Variants in PDCD6IP observed in about 807,000 individuals in gnomAD.
PDCD6IP encodes programmed cell death 6 interacting protein, also known as programmed cell death 6-interacting protein.
Under a neutral mutation model 103.7 loss-of-function variants are expected in PDCD6IP, and 43 were observed. The ratio of observed to expected loss-of-function variants is 0.41; its 90% CI spans 0.32 to 0.53. The LOEUF is 0.53. PDCD6IP is among the 20% of genes least tolerant of loss of function. The pLI, the probability that PDCD6IP is intolerant of heterozygous loss-of-function variation, is 0.16. For missense variants in PDCD6IP, 871 were observed against 1,036.7 expected (o/e 0.84, Z 2.20); for synonymous variants, 354 against 378.7 (o/e 0.93, Z 0.76).
intron 3 of PDCD6IP, among the ~76,000 whole-genome samples, chr3:33,818,675 C>T (rs780387490): frequency 2.0e-5 from 3 of 151,808 alleles, no homozygotes; most frequent in Admixed American, 6.6e-5. Context: ...TGCGCCACCA[C>T]GTCCAGCTAA....
At chr3:33,849,629 A>G (rs1005384200) in intron 12 of PDCD6IP, among the ~76,000 whole-genome samples, 1 of 152,256 alleles carries the variant, frequency 6.6e-6, no homozygotes. Context: ...AGAAATAAAT[A>G]TGCTAGGATT....
At chr3:33,805,295 C>T (rs1023497304) in intron 1 of PDCD6IP, among the ~76,000 whole-genome samples, 12 of 148,236 alleles carry the variant, frequency 8.1e-5, no homozygotes, top group African/African-American at 3.0e-4. Flanking sequence ...GTGGAGGTTG[C>T]AGTGAGCCGA....
chr3:33,837,066 G>A (rs1249447923), intron 8 of PDCD6IP, among the ~76,000 whole-genome samples: 1 of 150,982 alleles, frequency 6.6e-6, no homozygotes, highest in African/African-American at 2.4e-5. Context: ...GACTACAGGC[G>A]CCTGCCACCT....
chr3:33,816,191 A>T (rs1353434830), intron 3 of PDCD6IP, among the ~76,000 whole-genome samples: 1 of 152,172 alleles, frequency 6.6e-6, no homozygotes, highest in African/African-American at 2.4e-5. Context: ...GGAGTAGGGC[A>T]CTGGAATTAG....
chr3:33,853,007 T>A (rs1291882282), intron 13 of PDCD6IP, among the ~76,000 whole-genome samples: 1 of 149,762 alleles, frequency 6.7e-6, no homozygotes, highest in South Asian at 2.1e-4. Flanking sequence ...CACTGCAAGC[T>A]CCGCCTCCCG....
At chr3:33,854,397 C>T (rs1317410432) in intron 14 of PDCD6IP, among the ~76,000 whole-genome samples, 2 of 152,092 alleles carry the variant, frequency 1.3e-5, no homozygotes, top group Non-Finnish European at 2.9e-5. Flanking sequence ...TTTATGTTCT[C>T]TGCGGTGGTT....
intron 1 of PDCD6IP, among the ~76,000 whole-genome samples, chr3:33,808,380 C>G (rs1266136376): frequency 6.6e-6 from 1 of 152,110 alleles, no homozygotes; most frequent in African/African-American, 2.4e-5. Flanking sequence ...CTCAAGTGAT[C>G]CTCCCACCTT....
At chr3:33,830,548 GCAGCTTTAGTTTTA>G (rs1200958257) in intron 7 of PDCD6IP, among the ~76,000 whole-genome samples, 1 of 152,130 alleles carries the variant, frequency 6.6e-6, no homozygotes, top group Non-Finnish European at 1.5e-5. Flanking sequence ...CATAGATTTT[GCAGCTTTAGTTTTA>G]CAGCTTTAGT....
At chr3:33,853,422 AT>A (rs1697762689) in intron 13 of PDCD6IP, among the ~76,000 whole-genome samples, 1 of 152,232 alleles carries the variant, frequency 6.6e-6, no homozygotes, top group African/African-American at 2.4e-5. Context: ...TTTTAAAAAA[AT>A]AATGCAAAGT....
intron 1 of PDCD6IP, among the ~76,000 whole-genome samples, chr3:33,809,925 T>C (rs1197138346): frequency 6.6e-6 from 1 of 152,214 alleles, no homozygotes; most frequent in Non-Finnish European, 1.5e-5. Flanking sequence ...CTGTGTTCTT[T>C]CTAGTGCATA....
chr3:33,861,576 T>G lies in PDCD6IP; in HGVS notation c.2121-2430T>G, dbSNP rs142123313. 2.0e-3 allele frequency among the ~76,000 whole-genome samples: 298 copies of G among 152,330 alleles called. 2 individuals carry two copies. Among genetic ancestry groups the G allele is most frequent in the African/African-American group, 6.6e-3 (275 of 41,572 alleles). On this transcript the variant is annotated intron_variant, in intron 15 of 17. Transcript: ENST00000307296. The stretch of plus-strand genomic sequence containing the variant: ...GTGAGCATGTTATATGCAGTGCTGT[T>G]GGGTATATATCGAGGTCAAAGGATA...
intron 3 of PDCD6IP, among the ~76,000 whole-genome samples, chr3:33,820,339 A>G (rs780166270): frequency 6.6e-6 from 1 of 152,150 alleles, no homozygotes; most frequent in Non-Finnish European, 1.5e-5. Flanking sequence ...ACCCTTGGCA[A>G]CTAGCATTCT....
intron 17 of PDCD6IP, 54 bp from the exon 18 acceptor site, chr3:33,866,297 T>C: frequency 9.1e-7 from 1 of 1,103,140 alleles, no homozygotes; most frequent in Non-Finnish European, 1.3e-6. Context: ...GATTATTGTT[T>C]TATTTTTTAG....
chr3:33,844,040 A>G (rs1697534459), intron 10 of PDCD6IP, 72 bp from the exon 11 acceptor site: 2 of 912,270 alleles, frequency 2.2e-6, no homozygotes, highest in Non-Finnish European at 3.5e-6. Context: ...TTGTGTATGA[A>G]CATTTATTAA....
At chr3:33,819,366 A>G (rs1034538016) in intron 3 of PDCD6IP, among the ~76,000 whole-genome samples, 1 of 152,142 alleles carries the variant, frequency 6.6e-6, no homozygotes, top group African/African-American at 2.4e-5. Context: ...TAATTGTGAT[A>G]TTTGGAATAT....
chr3:33,853,884 ACAT>A lies in PDCD6IP; in HGVS notation c.1899_1901del (p.His633del). On this transcript the variant is annotated inframe_deletion, in exon 14 of 18. Transcript: ENST00000307296. ...TAAATCTTTCTTTTAACAAGGTCTC[ACAT>A]CAGGAATTTTCAAAAATGAAACAAT... 1 of 1,510,946 alleles carries A rather than the reference ACAT, an allele frequency of 6.6e-7. No individual in the cohort carries two copies. The allele number at this position is 1,510,946 out of a possible 1,614,324, so 93.6% of individuals were successfully genotyped here.
At chr3:33,859,761 A>T (rs1697911195) in intron 15 of PDCD6IP, among the ~76,000 whole-genome samples, 2 of 152,192 alleles carry the variant, frequency 1.3e-5, no homozygotes, top group African/African-American at 4.8e-5. Flanking sequence ...TGGGCATTTT[A>T]GCTGTAAAGA....
intron 11 of PDCD6IP, among the ~76,000 whole-genome samples, chr3:33,845,153 A>G (rs777994096): frequency 2.0e-5 from 3 of 152,116 alleles, no homozygotes; most frequent in Non-Finnish European, 4.4e-5. Flanking sequence ...GAAAAGATTA[A>G]TATTAATTAA....
At chr3:33,852,331 GTCTA>G (rs949412684) in intron 12 of PDCD6IP, among the ~76,000 whole-genome samples, 153 bp from the exon 13 acceptor site, 2 of 151,098 alleles carry the variant, frequency 1.3e-5, no homozygotes, top group African/African-American at 2.4e-5. Context: ...AAGGTACAGT[GTCTA>G]TCTATATAAA....
Sources: gnomAD v4.1 joint callset for allele counts (sites outside exome capture counted in the v4.1 genomes callset) on GRCh38, gnomAD v4.1.1 for gene constraint, MANE v1.5 for transcripts, NCBI Gene and HGNC (gene_info 2026-07-23, HGNC 2026-07-21) for gene names.